WDR70: variants seen among roughly 807,000 people sequenced by gnomAD.
WDR70 encodes WD repeat-containing protein 70.
WDR70 carries 53 observed loss-of-function variants against 88.6 expected under a neutral mutation model. The ratio of observed to expected loss-of-function variants is 0.60; its 90% confidence interval spans 0.48 to 0.75. The LOEUF is 0.75. WDR70 is among the 30% of genes least tolerant of loss of function. WDR70 has a pLI of 0.00. For missense variants in WDR70, 610 were observed against 823.2 expected, an observed-to-expected ratio of 0.74 and a Z score of 3.17; for synonymous variants, 280 against 270.0, an observed-to-expected ratio of 1.04 and a Z score of -0.36.
At chr5:37,421,709 A>G in intron 5 of WDR70, among the ~76,000 whole-genome samples, 1 of 152,110 alleles carries the variant, frequency 6.6e-6, no homozygotes, top group Non-Finnish European at 1.5e-5. Flanking sequence ...CAATCAACAA[A>G]TATTCTTTGT....
Position 37,699,981 on chromosome 5 carries a change from A to C in WDR70, c.1193-1077A>C, listed in dbSNP as rs200702031. On this transcript the variant is annotated intron_variant, in intron 11 of 17. Transcript: ENST00000265107. ...CAAAAAACAAAAACAAAAACAAAAA[A>C]AAAAACAGACTAAAAGCAATAAAGT... 5.5e-4 allele frequency among the ~76,000 whole-genome samples: 84 copies of C among 152,058 alleles called. 1 individual carries two copies. Among genetic ancestry groups the C allele is most frequent in the South Asian group, 5.2e-3 (25 of 4,812 alleles).
chr5:37,463,936 C>T (rs1397928306), intron 7 of WDR70, among the ~76,000 whole-genome samples: 1 of 152,120 alleles, frequency 6.6e-6, no homozygotes. Context: ...AACAGTGAGA[C>T]AGAGGGAAAA....
At chr5:37,713,434 A>G (rs1747571657) in intron 13 of WDR70, among the ~76,000 whole-genome samples, 1 of 152,132 alleles carries the variant, frequency 6.6e-6, no homozygotes, top group Non-Finnish European at 1.5e-5. Flanking sequence ...CTTTTGATTA[A>G]ACAGGAACTT....
At chr5:37,644,780 C>G (rs1162644270) in intron 10 of WDR70, among the ~76,000 whole-genome samples, 1 of 151,874 alleles carries the variant, frequency 6.6e-6, no homozygotes, top group African/African-American at 2.4e-5. Flanking sequence ...ATAATAGCTG[C>G]TAATGATCCT....
At chr5:37,749,842 C>CAAAAAA (rs1748752965) in intron 17 of WDR70, among the ~76,000 whole-genome samples, 4 of 78,504 alleles carry the variant, frequency 5.1e-5, no homozygotes, top group African/African-American at 1.2e-4. Context: ...AAAAAAAAAC[C>CAAAAAA]AAAAACGCAG....
At chr5:37,627,140 G>A (rs1744691695) in intron 10 of WDR70, among the ~76,000 whole-genome samples, 1 of 152,092 alleles carries the variant, frequency 6.6e-6, no homozygotes, top group Admixed American at 6.5e-5. Flanking sequence ...CCAGGCTGGA[G>A]TGCAGTGGCT....
intron 7 of WDR70, among the ~76,000 whole-genome samples, chr5:37,456,957 A>G (rs1210606114): frequency 6.6e-6 from 1 of 152,204 alleles, no homozygotes; most frequent in Admixed American, 6.5e-5. Context: ...ATTAATAAAG[A>G]AGGAAAAATT....
At chr5:37,620,754 T>A (rs935627768) in intron 10 of WDR70, among the ~76,000 whole-genome samples, 7 of 152,198 alleles carry the variant, frequency 4.6e-5, no homozygotes, top group Non-Finnish European at 8.8e-5. Context: ...TATAATTTGA[T>A]CTTTTCAGAG....
chr5:37,741,896 A>T (rs1167564878), intron 17 of WDR70, among the ~76,000 whole-genome samples: 1 of 152,216 alleles, frequency 6.6e-6, no homozygotes, highest in African/African-American at 2.4e-5. Flanking sequence ...TTCACTTAGC[A>T]TACTGTCTTC....
chr5:37,502,447 GA>G (rs1740430799), intron 8 of WDR70, among the ~76,000 whole-genome samples: 1 of 152,018 alleles, frequency 6.6e-6, no homozygotes, highest in Non-Finnish European at 1.5e-5. Context: ...TTATTATTTT[GA>G]AGTATATTCC....
intron 7 of WDR70, among the ~76,000 whole-genome samples, chr5:37,447,753 C>G (rs1738547407): frequency 6.6e-6 from 1 of 152,084 alleles, no homozygotes; most frequent in South Asian, 2.1e-4. Context: ...CACATGGTCA[C>G]AGGAAGGGGA....
rs1431011362 is a variant in WDR70, at chr5:37,631,389, CGCT to C, written c.1092+26155_1092+26157del. Among the ~76,000 whole-genome samples the C allele has an allele frequency of 2.0e-5, 3 of 152,092 alleles. No homozygotes were observed. In the East Asian group the frequency reaches 5.8e-4, roughly 29 times the overall value. ...TTGACCAGATAATTCATCTCCTTCTCGCTGCTATTTACCTCACCGTTAGTAACA... is the reference window on the plus strand; with the variant it reads ...TTGACCAGATAATTCATCTCCTTCTCGCTATTTACCTCACCGTTAGTAACA... On this transcript the variant is annotated intron_variant, in intron 10 of 17. Coordinates refer to ENST00000265107, the MANE Select transcript of WDR70 (RefSeq NM_018034.4).
intron 10 of WDR70, among the ~76,000 whole-genome samples, chr5:37,626,262 C>A (rs1258358778): frequency 2.0e-5 from 3 of 151,974 alleles, no homozygotes; most frequent in Non-Finnish European, 4.4e-5. Flanking sequence ...CCATATTTGG[C>A]CATTATTATA....
intron 8 of WDR70, among the ~76,000 whole-genome samples, chr5:37,487,623 ATG>A (rs1160611394): frequency 0.017 from 319 of 18,586 alleles, 2 homozygotes; most frequent in South Asian, 0.033. Context: ...ATATATATAT[ATG>A]TATTTTTTTT....
intron 10 of WDR70, among the ~76,000 whole-genome samples, chr5:37,614,330 T>C (rs1744272455): frequency 6.6e-6 from 1 of 152,176 alleles, no homozygotes; most frequent in African/African-American, 2.4e-5. Context: ...TAAAGACCCC[T>C]GTGATTACAT....
At chr5:37,428,007 CT>C (rs34888958) in intron 5 of WDR70, among the ~76,000 whole-genome samples, 2,547 of 144,162 alleles carry the variant, frequency 0.018, 53 homozygotes, top group African/African-American at 0.057. Context: ...ATGTATCCTC[CT>C]TTTTTTTTTT....
intron 13 of WDR70, among the ~76,000 whole-genome samples, chr5:37,712,345 A>T (rs6860017): frequency 0.99 from 150,348 of 152,352 alleles, 74,214 homozygotes; most frequent in East Asian, 1. Context: ...ATTGTCTACT[A>T]CTTTAAAACT....
chr5:37,662,384 A>T (rs937129421), intron 10 of WDR70, among the ~76,000 whole-genome samples: 3 of 152,164 alleles, frequency 2.0e-5, no homozygotes, highest in Non-Finnish European at 4.4e-5. Flanking sequence ...TTAGATTTCA[A>T]CTTAAGAAAG....
chr5:37,557,232 G>GA (rs11372077), intron 9 of WDR70, among the ~76,000 whole-genome samples: 58,027 of 123,652 alleles, frequency 0.47, 12,942 homozygotes, highest in African/African-American at 0.65. Context: ...TTAAAAAAAT[G>GA]AAAAAAAAAA....
Sources: allele counts gnomAD v4.1 joint callset (sites outside exome capture counted in the v4.1 genomes callset), GRCh38; gene constraint gnomAD v4.1.1; transcripts MANE v1.5; gene names NCBI Gene and HGNC (gene_info 2026-07-23, HGNC 2026-07-21).